Variants in SRBD1 observed in about 807,000 individuals in gnomAD.
SRBD1 encodes S1 RNA binding domain 1.
In SRBD1, 88 loss-of-function variants were observed where a neutral mutation model predicts 115.3. The ratio of observed to expected loss-of-function variants is 0.76; its 90% CI spans 0.64 to 0.91. SRBD1 has a LOEUF of 0.91. Among genes scored for constraint, SRBD1 ranks in the 40% least tolerant of loss-of-function variants. SRBD1 has a pLI of 0.00. For synonymous variants in SRBD1, 509 were observed against 407.7 expected, an observed-to-expected ratio of 1.25 and a Z score of -2.99; for missense variants, 1,385 against 1,177.4, an observed-to-expected ratio of 1.18 and a Z score of -2.58.
chr2:45,465,375 G>C (rs1034899395), intron 16 of SRBD1, among the ~76,000 whole-genome samples: 3 of 152,002 alleles, frequency 2.0e-5, no homozygotes, highest in African/African-American at 7.2e-5. Flanking sequence ...CCCAGATATG[G>C]AGGGCTGACT....
intron 4 of SRBD1, among the ~76,000 whole-genome samples, chr2:45,592,495 T>C (rs1174533880): frequency 2.0e-5 from 3 of 152,146 alleles, no homozygotes; most frequent in Non-Finnish European, 4.4e-5. Flanking sequence ...CCGAGCATAC[T>C]TTCCTTTCCT....
chr2:45,408,149 C>T (rs556801598), intron 19 of SRBD1, among the ~76,000 whole-genome samples: 2 of 152,212 alleles, frequency 1.3e-5, no homozygotes, highest in South Asian at 4.1e-4. Context: ...TTTAATAGAA[C>T]TGAAATCAAA....
intron 14 of SRBD1, among the ~76,000 whole-genome samples, chr2:45,545,283 T>TAAAAAAAAAAAAAAAAAAAAAA (rs56909656): frequency 1.6e-4 from 11 of 68,574 alleles, no homozygotes; most frequent in African/African-American, 4.7e-4. Flanking sequence ...CTGTCTCAAT[T>TAAAAAAAAAAAAAAAAAAAAAA]AAAAAAAAAA....
intron 4 of SRBD1, among the ~76,000 whole-genome samples, chr2:45,597,879 C>A (rs1484221941): frequency 6.6e-6 from 1 of 152,204 alleles, no homozygotes; most frequent in Non-Finnish European, 1.5e-5. Context: ...ATAAGTAGCT[C>A]TTTACTACGA....
intron 16 of SRBD1, among the ~76,000 whole-genome samples, chr2:45,438,968 A>G (rs1668580689): frequency 6.6e-6 from 1 of 152,152 alleles, no homozygotes; most frequent in African/African-American, 2.4e-5. Flanking sequence ...TAAAGGGAAA[A>G]TTGTCAAAGT....
intron 14 of SRBD1, among the ~76,000 whole-genome samples, chr2:45,541,692 G>T (rs1671944688): frequency 6.6e-6 from 1 of 152,300 alleles, no homozygotes; most frequent in East Asian, 1.9e-4. Flanking sequence ...CCAGCTCCCA[G>T]TGGAGAGGAG....
intron 9 of SRBD1, among the ~76,000 whole-genome samples, chr2:45,564,790 G>C (rs994976204): frequency 3.3e-5 from 5 of 152,112 alleles, no homozygotes; most frequent in Non-Finnish European, 5.9e-5. Context: ...TGAAAATACA[G>C]TAATTGCAGG....
chr2:45,402,404 A>T (rs964858330), intron 19 of SRBD1, among the ~76,000 whole-genome samples: 2 of 152,146 alleles, frequency 1.3e-5, no homozygotes, highest in Non-Finnish European at 2.9e-5. Context: ...ACTTTTCAAC[A>T]TTGATTGTAA....
At chr2:45,460,483 G>C (rs1032160960) in intron 16 of SRBD1, among the ~76,000 whole-genome samples, 2 of 152,104 alleles carry the variant, frequency 1.3e-5, no homozygotes, top group Non-Finnish European at 2.9e-5. Context: ...ATAGCAAGCA[G>C]GCACAGAAGG....
chr2:45,497,061 T>C (rs1670482485), intron 14 of SRBD1, among the ~76,000 whole-genome samples: 1 of 152,246 alleles, frequency 6.6e-6, no homozygotes, highest in Non-Finnish European at 1.5e-5. Context: ...CTTTACTTTT[T>C]TGTGATCACT....
chr2:45,581,349 C>T (rs1350842659), intron 6 of SRBD1, among the ~76,000 whole-genome samples: 1 of 152,174 alleles, frequency 6.6e-6, no homozygotes, highest in Non-Finnish European at 1.5e-5. Context: ...CTTCCATTCT[C>T]ATGGTTTCAC....
At chr2:45,526,267 G>A (rs1294162035) in intron 14 of SRBD1, among the ~76,000 whole-genome samples, 1 of 151,982 alleles carries the variant, frequency 6.6e-6, no homozygotes, top group East Asian at 1.9e-4. Flanking sequence ...ATATTATTCG[G>A]CCATAAAAAG....
intron 16 of SRBD1, among the ~76,000 whole-genome samples, chr2:45,441,470 A>G (rs1248166550): frequency 1.3e-5 from 2 of 152,096 alleles, no homozygotes; most frequent in African/African-American, 4.8e-5. Flanking sequence ...GTACGTACTC[A>G]CTCTAACTGC....
chr2:45,405,124 T>G (rs1376135868), intron 19 of SRBD1, among the ~76,000 whole-genome samples: 1 of 152,210 alleles, frequency 6.6e-6, no homozygotes, highest in South Asian at 2.1e-4. Context: ...TTTATCACAC[T>G]GTATAATTTA....
intron 14 of SRBD1, among the ~76,000 whole-genome samples, chr2:45,543,978 G>C (rs1332497418): frequency 6.6e-6 from 1 of 152,124 alleles, no homozygotes; most frequent in Non-Finnish European, 1.5e-5. Context: ...GGGCTCTTCT[G>C]AAAGAAAATG....
intron 1 of SRBD1, among the ~76,000 whole-genome samples, chr2:45,606,802 C>T (rs1674288484): frequency 6.6e-6 from 1 of 152,120 alleles, no homozygotes; most frequent in African/African-American, 2.4e-5. Flanking sequence ...GATATTATTA[C>T]CATAAAACCA....
At chr2:45,606,988 A>G (rs1674294116) in intron 1 of SRBD1, among the ~76,000 whole-genome samples, 1 of 152,236 alleles carries the variant, frequency 6.6e-6, no homozygotes, top group African/African-American at 2.4e-5. Flanking sequence ...CCCAGCAGCT[A>G]TAGCTCAACT....
At chr2:45,420,545 G>C (rs1424355643) in intron 16 of SRBD1, among the ~76,000 whole-genome samples, 1 of 152,132 alleles carries the variant, frequency 6.6e-6, no homozygotes, top group African/African-American at 2.4e-5. Flanking sequence ...AATATTGAAA[G>C]AGCTCTTTAG....
rs534026142 is a variant in SRBD1 at position 45,436,608 on chromosome 2, TGA to T, written c.2050-16716_2050-16715del. The stretch of plus-strand genomic sequence containing the variant: ...CAGGCATGACTTACATGGTGGCAGG[TGA>T]GAGAGAGTGTGTGTCTAAGTGCAGG... On this transcript the variant is annotated intron_variant, in intron 16 of 20. Transcript: ENST00000263736. 1.2e-3 allele frequency among the ~76,000 whole-genome samples: 176 copies of T among 152,146 alleles called. 1 individual carries two copies. Among genetic ancestry groups the T allele is most frequent in the Middle Eastern group, 3.4e-3 (1 of 294 alleles).
Sources: allele counts gnomAD v4.1 joint callset (sites outside exome capture counted in the v4.1 genomes callset), GRCh38; gene constraint gnomAD v4.1.1; transcripts MANE v1.5; gene names NCBI Gene and HGNC (gene_info 2026-07-23, HGNC 2026-07-21).